Variants in ARHGAP35 observed in about 807,000 individuals in gnomAD.
The protein encoded by ARHGAP35 is Rho GTPase activating protein 35.
Under a neutral mutation model 111.1 loss-of-function variants are expected in ARHGAP35, and 15 were observed. The observed-to-expected ratio is 0.13, with a 90% confidence interval of 0.09 to 0.21. The LOEUF (loss-of-function observed/expected upper bound fraction) is 0.21. Among genes scored for constraint, ARHGAP35 ranks in the 10% least tolerant of loss-of-function variants. The pLI is 1.00. For missense variants in ARHGAP35, 1,262 were observed against 1,873.0 expected, an observed-to-expected ratio of 0.67 and a Z score of 6.02; for synonymous variants, 643 against 710.3, an observed-to-expected ratio of 0.91 and a Z score of 1.51.
intron 1 of ARHGAP35, among the ~76,000 whole-genome samples, chr19:46,893,796 A>C (rs1048689930): frequency 2.0e-5 from 3 of 152,042 alleles, no homozygotes; most frequent in Admixed American, 6.6e-5. Flanking sequence ...TCACCAGTGA[A>C]AAATGTATTG....
chr19:46,869,659 G>A (rs867168769), intron 1 of ARHGAP35, among the ~76,000 whole-genome samples: 3 of 152,042 alleles, frequency 2.0e-5, no homozygotes, highest in Non-Finnish European at 4.4e-5. Flanking sequence ...AATTGCCATG[G>A]GCAATTAAAA....
intron 1 of ARHGAP35, among the ~76,000 whole-genome samples, 122 bp downstream of exon 1, chr19:46,861,331 A>G (rs1041452238): frequency 1.4e-5 from 2 of 140,290 alleles, no homozygotes; most frequent in African/African-American, 5.4e-5. Flanking sequence ...CTGGAGGGGG[A>G]GGGGAGGAGC....
intron 1 of ARHGAP35, among the ~76,000 whole-genome samples, chr19:46,907,216 G>A (rs1007149127): frequency 1.3e-4 from 20 of 152,260 alleles, no homozygotes; most frequent in South Asian, 6.2e-4. Context: ...GCACGATCTC[G>A]GCTCACTGCA....
chr19:46,943,058 A>G (rs74985879), intron 3 of ARHGAP35, among the ~76,000 whole-genome samples: 1 of 150,708 alleles, frequency 6.6e-6, no homozygotes, highest in Admixed American at 6.6e-5. Context: ...TTTTTTTTAA[A>G]GAGACAGAGT....
chr19:46,956,366 A>G (rs2056439122), intron 3 of ARHGAP35, among the ~76,000 whole-genome samples: 1 of 151,948 alleles, frequency 6.6e-6, no homozygotes, highest in African/African-American at 2.4e-5. Context: ...TATAAGGTAT[A>G]TGTGAAACAT....
intron 3 of ARHGAP35, among the ~76,000 whole-genome samples, chr19:46,951,472 T>C (rs1469289922): frequency 1.3e-5 from 2 of 152,068 alleles, no homozygotes; most frequent in Non-Finnish European, 2.9e-5. Context: ...TGCTAGTGTA[T>C]AGTATGTACA....
chr19:46,965,087 C>T (rs796138391), intron 3 of ARHGAP35, among the ~76,000 whole-genome samples: 30 of 152,206 alleles, frequency 2.0e-4, no homozygotes, highest in African/African-American at 5.3e-4. Flanking sequence ...CCGAGGCGGG[C>T]GGATCACCTG....
chr19:46,955,133 G>A (rs1203933773), intron 3 of ARHGAP35, among the ~76,000 whole-genome samples: 1 of 152,064 alleles, frequency 6.6e-6, no homozygotes, highest in African/African-American at 2.4e-5. Context: ...ACGAGGTGAA[G>A]AAGAAGAAGA....
intron 1 of ARHGAP35, among the ~76,000 whole-genome samples, chr19:46,881,346 G>A (rs1004701560): frequency 6.6e-6 from 1 of 152,206 alleles, no homozygotes; most frequent in Non-Finnish European, 1.5e-5. Flanking sequence ...TGGCAGTGTT[G>A]CCTTATGAAA....
At chr19:46,974,847 TATC>T (rs1042429758) in intron 3 of ARHGAP35, among the ~76,000 whole-genome samples, 1 of 151,944 alleles carries the variant, frequency 6.6e-6, no homozygotes, top group African/African-American at 2.4e-5. Flanking sequence ...GTAACCTCAT[TATC>T]ATGAAACTCA....
intron 1 of ARHGAP35, among the ~76,000 whole-genome samples, chr19:46,912,603 A>T (rs1232508971): frequency 2.0e-5 from 3 of 147,396 alleles, no homozygotes; most frequent in Non-Finnish European, 4.5e-5. Flanking sequence ...TGATCTGCCC[A>T]CCTCGGCCTC....
At chr19:46,984,951 T>C (rs2122329510) in intron 3 of ARHGAP35, among the ~76,000 whole-genome samples, 1 of 152,306 alleles carries the variant, frequency 6.6e-6, no homozygotes, top group Non-Finnish European at 1.5e-5. Flanking sequence ...GGCCAGGTCT[T>C]CTGCAGCTCG....
At chr19:46,941,607 G>A (rs1366537622) in intron 3 of ARHGAP35, among the ~76,000 whole-genome samples, 4 of 148,562 alleles carry the variant, frequency 2.7e-5, no homozygotes, top group South Asian at 2.1e-4. Context: ...ACAGGGTCTC[G>A]CTCTGTTGCC....
intron 1 of ARHGAP35, among the ~76,000 whole-genome samples, chr19:46,899,536 A>G (rs906200773): frequency 6.6e-6 from 1 of 152,004 alleles, no homozygotes; most frequent in African/African-American, 2.4e-5. Context: ...TCTACAAAAA[A>G]AATACAAAAA....
intron 1 of ARHGAP35, among the ~76,000 whole-genome samples, chr19:46,863,946 T>G (rs1029345621): frequency 3.9e-5 from 6 of 152,224 alleles, no homozygotes; most frequent in African/African-American, 1.4e-4. Flanking sequence ...ACTTTGCGGT[T>G]GTTTGTTGAA....
chr19:46,990,457 C>T (rs2056673938), intron 5 of ARHGAP35, among the ~76,000 whole-genome samples: 1 of 152,244 alleles, frequency 6.6e-6, no homozygotes, highest in African/African-American at 2.4e-5. Flanking sequence ...TTTAAGTCAT[C>T]AGCAGCCTTC....
At chr19:46,876,860 C>G (rs1246715545) in intron 1 of ARHGAP35, among the ~76,000 whole-genome samples, 1 of 152,152 alleles carries the variant, frequency 6.6e-6, no homozygotes, top group Non-Finnish European at 1.5e-5. Context: ...AGGCATAACT[C>G]AGAGATAGTG....
intron 3 of ARHGAP35, among the ~76,000 whole-genome samples, chr19:46,944,803 C>G (rs1220421020): frequency 1.3e-5 from 2 of 152,170 alleles, no homozygotes; most frequent in African/African-American, 4.8e-5. Flanking sequence ...TGTTTACAAG[C>G]AGGGCGCTGT....
chr19:46,901,513 G>T lies in ARHGAP35; in HGVS notation c.-188-16975G>T, dbSNP rs1431914216. On this transcript the variant is annotated intron_variant, in intron 1 of 6. Transcript: ENST00000672722. This position sits in a 1 kb window ranked among gnomAD's most constrained non-coding sequence, Gnocchi z 4.5. ...GCAGAGGTTGCAGTGAGCCGAGATC[G>T]CGCCACTGCACTCCAGCCTGGGTGA... 6.6e-6 allele frequency among the ~76,000 whole-genome samples: 1 copy of T among 152,162 alleles called. No homozygotes were observed. Among genetic ancestry groups the T allele is most frequent in the African/African-American group, 2.4e-5 (1 of 41,424 alleles).
Sources: gnomAD v4.1 joint callset for allele counts (sites outside exome capture counted in the v4.1 genomes callset) on GRCh38, gnomAD v4.1.1 for gene constraint, Gnocchi (gnomAD v3.1) non-coding constraint, MANE v1.5 for transcripts, NCBI Gene and HGNC (gene_info 2026-07-23, HGNC 2026-07-21) for gene names.